The following ATP13A1 variants were observed in gnomAD, a reference collection of about 807,000 sequenced individuals.
ATP13A1 encodes ATPase 13A1.
In ATP13A1, 55 loss-of-function variants were observed where a neutral mutation model predicts 134.8. That is an observed-to-expected ratio of 0.41 (90% CI 0.33 to 0.51). The LOEUF is 0.51. ATP13A1 is among the 20% of genes least tolerant of loss of function. The pLI is 0.29. For synonymous variants in ATP13A1, 775 were observed against 725.1 expected (o/e 1.07, Z -1.10); for missense variants, 1,389 against 1,652.8 (o/e 0.84, Z 2.77).
rs764001956 is a variant in ATP13A1 at position 19,645,693 on chromosome 19, G to A, written c.3458C>T (p.Ser1153Leu). ...LAIIGLLLGS[S>L]PDFNSQFGLV... ...GCCAAACTGGCTGTTGAAGTCGGGC[G>A]AGGAGCCGAGGAGCAGGCCAATGAT... is the stretch of plus-strand genomic sequence containing the variant. Residue 1153 changes from serine to leucine, a missense_variant, in exon 25 of 26, where the codon TCG becomes TTG. By Grantham distance (145) the Ser-to-Leu change is moderately radical. Around this residue, in one of 4 missense-constraint regions of ATP13A1, gnomAD observed 228 missense variants for 321.0 expected, o/e 0.71. Transcript: ENST00000357324. The surrounding 1 kb of genome is among the most constrained non-coding windows in gnomAD (Gnocchi z 4.1). 1.0e-5 allele frequency: 16 copies of A among 1,580,260 alleles called. No homozygotes were observed. The highest frequency in any genetic ancestry group is 1.1e-5 in the Non-Finnish European group (13 of 1,163,606).
At chr19:19,660,281 A>G (rs2062086132) in intron 1 of ATP13A1, among the ~76,000 whole-genome samples, 1 of 152,046 alleles carries the variant, frequency 6.6e-6, no homozygotes, top group Admixed American at 6.5e-5. Context: ...CAGGAGTTTG[A>G]GATCAGCCTC....
In ATP13A1 at chr19:19,659,593, G is replaced by A. The variant is rs1219780149; in HGVS notation, c.677+8C>T. On this transcript the variant is annotated splice_region_variant and intron_variant, in intron 3 of 25. Transcript: ENST00000357324. ...GGCAAAGGTGCTACAGGCAAATCAA[G>A]GACTCACTTGTTGCTCCCAAATTTC... The A allele has an allele frequency of 3.7e-6, 6 of 1,606,242 alleles. No individual in the cohort carries two copies. The highest frequency in any genetic ancestry group is 5.1e-6 in the Non-Finnish European group (6 of 1,173,554).
At position 19,649,863 on chromosome 19, in the gene ATP13A1, G is replaced by A. The variant is rs142862217; in HGVS notation, c.2413C>T (p.Leu805=). ...LARGSPKALA[L]EYALCLTGDG... is the part of the protein sequence containing the mutation. ...CCTGTGAGGCACAGTGCGTACTCCA[G>A]GGCCAGTGCCTTTGGGGAGCCCCGG... The change falls in exon 18 of 26, where the codon CTG becomes TTG. Residue 805 remains leucine, a synonymous_variant. Coordinates refer to ENST00000357324, the MANE Select transcript of ATP13A1 (RefSeq NM_020410.3). 2 of 1,603,462 alleles carry A rather than the reference G, an allele frequency of 1.2e-6. No individual in the cohort carries two copies. Among genetic ancestry groups the A allele is most frequent in the African/African-American group, 1.3e-5 (1 of 74,864 alleles).
chr19:19,657,230 G>A, intron 4 of ATP13A1, 81 bp from the exon 5 acceptor site: 4 of 1,486,494 alleles, frequency 2.7e-6, no homozygotes, highest in Non-Finnish European at 3.6e-6. Flanking sequence ...TCTGATATGT[G>A]AGGGTGGGGA....
intron 1 of ATP13A1, among the ~76,000 whole-genome samples, chr19:19,661,759 G>A (rs181681940): frequency 6.6e-6 from 1 of 152,158 alleles, no homozygotes; most frequent in Admixed American, 6.6e-5. Context: ...GCATGGAGAC[G>A]AGCTGCATGG....
intron 1 of ATP13A1, among the ~76,000 whole-genome samples, chr19:19,661,118 C>A (rs1437581880): frequency 6.6e-6 from 1 of 152,030 alleles, no homozygotes; most frequent in Non-Finnish European, 1.5e-5. Flanking sequence ...CCCCAAAAAA[C>A]AAAACAAAAA....
At chr19:19,654,736 G>A (rs1470478471) in intron 12 of ATP13A1, 36 bp from the exon 13 acceptor site, 2 of 1,578,906 alleles carry the variant, frequency 1.3e-6, no homozygotes, top group Non-Finnish European at 1.7e-6. Context: ...ACAGAGTGCA[G>A]GCGGGTAGGG....
chr19:19,663,485 A>G lies in ATP13A1; in HGVS notation c.182T>C (p.Leu61Pro). Residue 61 changes from leucine (L) to proline (P), a missense_variant, in exon 1 of 26, where the codon CTG becomes CCG. By Grantham distance (98) the Leu-to-Pro change is moderately conservative. Around this residue, in one of 4 missense-constraint regions of ATP13A1, gnomAD observed 293 missense variants for 270.8 expected, o/e 1.08. Transcript: ENST00000357324. ...AAVWPYRRLA[L>P]LRRLTVLPFA... Reference sequence around the variant, plus strand: ...TGGCAGCACCGTGAGGCGCCGCAACAGCGCCAACCGCCGGTACGGCCACAC... The same window carrying G: ...TGGCAGCACCGTGAGGCGCCGCAACGGCGCCAACCGCCGGTACGGCCACAC... The G allele has an allele frequency of 6.5e-7, 1 of 1,535,564 alleles. No individual in the cohort carries two copies. The highest frequency in any genetic ancestry group is 8.7e-7 in the Non-Finnish European group (1 of 1,145,368).
chr19:19,656,265 GA>G lies in ATP13A1; in HGVS notation c.1084-83del. The G allele has an allele frequency of 6.6e-7, 1 of 1,525,784 alleles. No individual in the cohort carries two copies. Among genetic ancestry groups the G allele is most frequent in the Non-Finnish European group, 8.8e-7 (1 of 1,137,966 alleles). The allele number at this position is 1,525,784 out of a possible 1,614,324, so 94.5% of individuals were successfully genotyped here. ...CTGAGTTCCTGGACAGCTGGACCTT[GA>G]GGCTGGAATGAGCCAGGGGGATCCC... is the stretch of plus-strand genomic sequence containing the variant. On this transcript the variant is annotated intron_variant, in intron 7 of 25. Coordinates refer to ENST00000357324, the MANE Select transcript of ATP13A1 (RefSeq NM_020410.3). The surrounding 1 kb of genome is among the most constrained non-coding windows in gnomAD (Gnocchi z 4.6).
At chr19:19,662,468 A>T in intron 1 of ATP13A1, 1 of 723,184 alleles carries the variant, frequency 1.4e-6, no homozygotes, top group Non-Finnish European at 1.7e-6. Context: ...GATATACCTC[A>T]GTGTCCATGG....
chr19:19,648,958 C>T (rs190262125), intron 19 of ATP13A1, among the ~76,000 whole-genome samples: 2 of 151,814 alleles, frequency 1.3e-5, no homozygotes, highest in Admixed American at 1.3e-4. Context: ...CCCATCTCTA[C>T]TAAAAATACA....
chr19:19,651,994 C>A (rs769162457), intron 16 of ATP13A1, among the ~76,000 whole-genome samples, 197 bp from the exon 17 acceptor site: 2 of 151,990 alleles, frequency 1.3e-5, no homozygotes, highest in African/African-American at 4.8e-5. Flanking sequence ...CGTGTATGTG[C>A]GTCCTTCTGA....
rs2062051225 is a variant in ATP13A1, at chr19:19,655,462, A to G, written c.1397-9T>C. 6.8e-6 allele frequency: 11 copies of G among 1,613,892 alleles called. No homozygotes were observed. The highest frequency in any genetic ancestry group is 9.3e-6 in the Non-Finnish European group (11 of 1,179,846). ...GCTGGGGTCCTTGGTACCTGTGGAG[A>G]CAGGGCCTGCCAACCTGGAGCCTCG... On this transcript the variant is annotated splice_polypyrimidine_tract_variant and intron_variant, in intron 10 of 25. Transcript: ENST00000357324. The surrounding 1 kb of genome is among the most constrained non-coding windows in gnomAD (Gnocchi z 5.7).
intron 1 of ATP13A1, chr19:19,662,283 A>C: frequency 3.0e-6 from 3 of 985,414 alleles, no homozygotes; most frequent in Non-Finnish European, 3.6e-6. Context: ...CCTGGGATAG[A>C]TAAGTCTTTT....
chr19:19,654,209 C>T (rs921069568), intron 13 of ATP13A1, 65 bp from the exon 14 acceptor site: 1 of 1,467,940 alleles, frequency 6.8e-7, no homozygotes, highest in African/African-American at 1.4e-5. Flanking sequence ...GCCCCTACCT[C>T]TCACCCCGGC....
intron 18 of ATP13A1, 34 bp from the exon 19 acceptor site, chr19:19,649,697 C>T (rs376790312): frequency 6.3e-5 from 102 of 1,613,298 alleles, no homozygotes; most frequent in Middle Eastern, 3.3e-4. Context: ...GCAGGGGCTG[C>T]GTGCCTACCG....
At position 19,654,546 on chromosome 19, in the gene ATP13A1, T is replaced by C; in HGVS notation, c.1810A>G (p.Lys604Glu). The C allele has an allele frequency of 6.2e-7, 1 of 1,605,218 alleles. No individual in the cohort carries two copies. The highest frequency in any genetic ancestry group is 2.2e-5 in the East Asian group (1 of 44,748). ...GCCTGAGGCCCCAGCCCCTCACCTT[T>C]GGTCAGCGTCCAGTCCACGGCCGTC... ...MLTAVDWTLT[K>E]DEKVFPRSIK... The change falls in exon 13 of 26, where the codon AAA becomes GAA. Residue 604 changes from lysine (K) to glutamate (E), a missense_variant. Transcript: ENST00000357324.
intron 13 of ATP13A1, 56 bp from the exon 14 acceptor site, chr19:19,654,200 C>A (rs2062042504): frequency 1.3e-6 from 2 of 1,501,608 alleles, no homozygotes; most frequent in Admixed American, 2.0e-5. Context: ...GGCAGCCAAG[C>A]CCCTACCTCT....
intron 18 of ATP13A1, 28 bp from the exon 19 acceptor site, chr19:19,649,691 G>C (rs541166468): frequency 6.2e-7 from 1 of 1,613,694 alleles, no homozygotes; most frequent in Admixed American, 1.7e-5. Context: ...GGCTGAGCAG[G>C]GGCTGCGTGC....
Sources: gnomAD v4.1 joint callset for allele counts (sites outside exome capture counted in the v4.1 genomes callset) on GRCh38, gnomAD v4.1.1 for gene constraint, gnomAD v4.1.1 regional missense constraint, Gnocchi (gnomAD v3.1) non-coding constraint, MANE v1.5 for transcripts, NCBI Gene and HGNC (gene_info 2026-07-23, HGNC 2026-07-21) for gene names.